Variants in TPP2 observed in about 807,000 individuals in gnomAD.
TPP2 encodes the protein tripeptidyl peptidase 2, also known as tripeptidyl-peptidase 2.
A neutral mutation model predicts 155.9 loss-of-function variants in TPP2; 34 were observed. The observed-to-expected ratio is 0.22, with a 90% CI of 0.17 to 0.29. The LOEUF (loss-of-function observed/expected upper bound fraction) is 0.29. Ranked by LOEUF, TPP2 falls within the 10% of genes least tolerant of loss-of-function variation. TPP2 has a pLI of 1.00. For synonymous variants in TPP2, 510 were observed against 529.4 expected, an observed-to-expected ratio of 0.96 and a Z score of 0.50; for missense variants, 1,028 against 1,522.3, an observed-to-expected ratio of 0.68 and a Z score of 5.40.
intron 1 of TPP2, among the ~76,000 whole-genome samples, chr13:102,602,070 C>T (rs1239024003): frequency 6.6e-6 from 1 of 152,138 alleles, no homozygotes; most frequent in East Asian, 1.9e-4. Flanking sequence ...TCTCAAGTCA[C>T]TCAGGTTTGC....
intron 4 of TPP2, 103 bp downstream of exon 4, chr13:102,616,603 C>A: frequency 1.0e-6 from 1 of 960,300 alleles, no homozygotes; most frequent in Non-Finnish European, 1.4e-6. Flanking sequence ...TCTTTTTTCA[C>A]AAATTTTCTT....
intron 13 of TPP2, 95 bp from the exon 14 acceptor site, chr13:102,636,986 AC>A: frequency 7.4e-7 from 1 of 1,349,274 alleles, no homozygotes; most frequent in Non-Finnish European, 9.9e-7. Flanking sequence ...AGCCAACCAA[AC>A]CAAGTCGCTA....
At chr13:102,645,837 A>T (rs932020371) in intron 19 of TPP2, among the ~76,000 whole-genome samples, 1 of 152,196 alleles carries the variant, frequency 6.6e-6, no homozygotes, top group African/African-American at 2.4e-5. Context: ...ATGAAATAAC[A>T]TTCCCTCGGC....
intron 1 of TPP2, among the ~76,000 whole-genome samples, chr13:102,599,975 G>C (rs1280365583): frequency 3.5e-5 from 4 of 113,948 alleles, no homozygotes; most frequent in Non-Finnish European, 7.0e-5. Context: ...CATTTCTAGA[G>C]TTAGATTCCT....
intron 12 of TPP2, 40 bp from the exon 13 acceptor site, chr13:102,636,184 C>A: frequency 6.7e-7 from 1 of 1,500,308 alleles, no homozygotes; most frequent in Non-Finnish European, 8.9e-7. Context: ...ATTTTTTGAC[C>A]CAACCATTTA....
At chr13:102,598,016 T>A (rs916718082) in intron 1 of TPP2, among the ~76,000 whole-genome samples, 20 of 152,218 alleles carry the variant, frequency 1.3e-4, no homozygotes, top group African/African-American at 4.3e-4. Flanking sequence ...CGACGGTTTT[T>A]AAAAATTACT....
intron 2 of TPP2, among the ~76,000 whole-genome samples, chr13:102,609,457 G>A (rs939962857): frequency 7.2e-6 from 1 of 138,864 alleles, no homozygotes; most frequent in Non-Finnish European, 1.5e-5. Flanking sequence ...GAGTGCAATG[G>A]CGCGATCTCA....
chr13:102,611,695 A>G (rs1566321859), intron 2 of TPP2, among the ~76,000 whole-genome samples: 2 of 152,214 alleles, frequency 1.3e-5, no homozygotes, highest in Non-Finnish European at 2.9e-5. Context: ...CTAGCAGTGT[A>G]TAACAAATGT....
intron 27 of TPP2, among the ~76,000 whole-genome samples, chr13:102,673,215 C>T (rs1885086873): frequency 6.6e-6 from 1 of 152,158 alleles, no homozygotes; most frequent in African/African-American, 2.4e-5. Flanking sequence ...TGTGGGTGAG[C>T]CCTTGAGCCT....
At chr13:102,674,730 T>A (rs1190343569) in intron 28 of TPP2, among the ~76,000 whole-genome samples, 1 of 152,208 alleles carries the variant, frequency 6.6e-6, no homozygotes, top group Admixed American at 6.5e-5. Context: ...TTTGAGAATA[T>A]GTGTAGTAGG....
intron 6 of TPP2, among the ~76,000 whole-genome samples, chr13:102,626,733 A>G (rs1459576195): frequency 4.6e-5 from 7 of 152,270 alleles, no homozygotes; most frequent in East Asian, 3.9e-4. Context: ...CCCTTTGGGT[A>G]TCTTCTTTTA....
chr13:102,646,970 A>G (rs1040194302), intron 20 of TPP2, among the ~76,000 whole-genome samples: 3 of 152,216 alleles, frequency 2.0e-5, no homozygotes, highest in Non-Finnish European at 4.4e-5. Context: ...TGAAGTATGT[A>G]TATGTTGCTT....
chr13:102,630,118 T>A lies in TPP2; in HGVS notation c.1167T>A (p.Pro389=), dbSNP rs1881920578. 6.2e-7 allele frequency: 1 copy of A among 1,613,366 alleles called. No homozygotes were observed. Among genetic ancestry groups the A allele is most frequent in the Admixed American group, 1.7e-5 (1 of 59,992 alleles). The change falls in exon 10 of 30, where the codon CCT becomes CCA. Residue 389 remains proline (P), a synonymous_variant. Coordinates refer to ENST00000376052, the MANE Select transcript of TPP2 (RefSeq NM_001330588.2). ...SVIGVGAYVS[P]DMMVAEYSLR... is the part of the protein sequence containing the mutation. ...CAGGTGTTGGTGCTTATGTTTCTCC[T>A]GATATGATGGTTGCTGAGTATTCAC...
intron 24 of TPP2, among the ~76,000 whole-genome samples, chr13:102,655,462 G>A (rs1004567530): frequency 6.6e-6 from 1 of 152,204 alleles, no homozygotes; most frequent in Non-Finnish European, 1.5e-5. Context: ...TAGAATTTGA[G>A]GAACTGACTT....
chr13:102,666,713 T>C (rs1884617442), intron 27 of TPP2, among the ~76,000 whole-genome samples: 1 of 148,874 alleles, frequency 6.7e-6, no homozygotes, highest in East Asian at 2.1e-4. Flanking sequence ...AGCCATAAAC[T>C]AATACGATAT....
intron 28 of TPP2, among the ~76,000 whole-genome samples, chr13:102,675,448 C>T (rs549391130): frequency 1.8e-4 from 27 of 152,332 alleles, no homozygotes; most frequent in Admixed American, 1.3e-4. Context: ...CTTATCTACA[C>T]GACCTGCCTT....
At position 102,637,358 on chromosome 13, in the gene TPP2, C is replaced by G. The variant is rs184439003; in HGVS notation, c.1836+119C>G. 1.7e-4 allele frequency: 182 copies of G among 1,073,294 alleles called. 1 individual carries two copies. Among genetic ancestry groups the G allele is most frequent in the Non-Finnish European group, 2.2e-4 (175 of 778,042 alleles). 66.5% of individuals were successfully genotyped at this position (1,073,294 alleles called of 1,614,324 possible). A position where few individuals can be genotyped will look rare whatever the true frequency, so the allele number is the denominator to read the frequency against. On this transcript the variant is annotated intron_variant, in intron 14 of 29. Coordinates refer to ENST00000376052, the MANE Select transcript of TPP2 (RefSeq NM_001330588.2). ...CTTGCTAAGAAATAACTAGACCTAT[C>G]CATCTGCCAGGTTATTCAGTTCTTC... is the stretch of plus-strand genomic sequence containing the variant.
intron 24 of TPP2, among the ~76,000 whole-genome samples, chr13:102,652,859 T>A (rs1053444683): frequency 2.6e-5 from 4 of 152,194 alleles, no homozygotes; most frequent in Non-Finnish European, 5.9e-5. Flanking sequence ...AATTTCATTT[T>A]ATGTATTAAT....
intron 29 of TPP2, among the ~76,000 whole-genome samples, 182 bp downstream of exon 29, chr13:102,676,597 A>C (rs1885293877): frequency 6.6e-6 from 1 of 152,224 alleles, no homozygotes; most frequent in Non-Finnish European, 1.5e-5. Context: ...AAGCTATTTA[A>C]ATTTTAAAAA....
Sources: allele counts gnomAD v4.1 joint callset (sites outside exome capture counted in the v4.1 genomes callset), GRCh38; gene constraint gnomAD v4.1.1; transcripts MANE v1.5; gene names NCBI Gene and HGNC (gene_info 2026-07-23, HGNC 2026-07-21).